The following CIMIP6 variants were observed in gnomAD, a reference collection of about 807,000 sequenced individuals.
The protein encoded by CIMIP6 is ciliary microtubule inner protein 6.
the CIMIP6 span, chr2:54,360,413 T>C: frequency 1.1e-5 from 17 of 1,604,114 alleles, no homozygotes; most frequent in African/African-American, 1.6e-4. Context: ...AACTCACTTA[T>C]CAGAAACAGA....
At chr2:54,367,088 T>G in the CIMIP6 span, among the ~76,000 whole-genome samples, 1 of 152,114 alleles carries the variant, frequency 6.6e-6, no homozygotes, top group African/African-American at 2.4e-5. Flanking sequence ...GATTAATCAC[T>G]GTGCTTCATC....
the CIMIP6 span, among the ~76,000 whole-genome samples, chr2:54,351,129 T>G: frequency 6.6e-6 from 1 of 152,240 alleles, no homozygotes; most frequent in East Asian, 1.9e-4. Context: ...TTGTTTGACA[T>G]TTAACTCAAG....
chr2:54,362,939 A>G, the CIMIP6 span, among the ~76,000 whole-genome samples: 1 of 152,190 alleles, frequency 6.6e-6, no homozygotes, highest in Non-Finnish European at 1.5e-5. Context: ...GTCTATTGGT[A>G]TGCCAGTCCA....
the CIMIP6 span, among the ~76,000 whole-genome samples, chr2:54,356,703 A>T: frequency 1.0e-3 from 152 of 152,330 alleles, no homozygotes; most frequent in African/African-American, 3.5e-3. Context: ...TCAAAAAGCA[A>T]ATTATTGTTT....
At chr2:54,334,706 C>T in the CIMIP6 span, 3 of 770,126 alleles carry the variant, frequency 3.9e-6, no homozygotes, top group Non-Finnish European at 4.1e-6. Context: ...TTAATACAGC[C>T]TAAATTGTCT....
At chr2:54,348,180 C>T in the CIMIP6 span, among the ~76,000 whole-genome samples, 1 of 152,178 alleles carries the variant, frequency 6.6e-6, no homozygotes, top group African/African-American at 2.4e-5. Flanking sequence ...GAACCTGAAC[C>T]CATTAAATTT....
At chr2:54,381,444 T>G in the CIMIP6 span, among the ~76,000 whole-genome samples, 2 of 152,264 alleles carry the variant, frequency 1.3e-5, no homozygotes, top group Non-Finnish European at 2.9e-5. Context: ...AGTTTACCTA[T>G]GTTTTCTCAC....
At chr2:54,376,493 A>C in the CIMIP6 span, among the ~76,000 whole-genome samples, 1 of 152,284 alleles carries the variant, frequency 6.6e-6, no homozygotes, top group Admixed American at 6.5e-5. Context: ...AAATTCCTTC[A>C]CTGGAATAGA....
chr2:54,370,906 G>T, the CIMIP6 span, among the ~76,000 whole-genome samples: 19 of 152,176 alleles, frequency 1.2e-4, no homozygotes, highest in African/African-American at 4.6e-4. Context: ...GTTAGCAAAT[G>T]TCACTCCACC....
chr2:54,368,478 A>G, the CIMIP6 span, among the ~76,000 whole-genome samples: 3 of 152,254 alleles, frequency 2.0e-5, no homozygotes, highest in Non-Finnish European at 2.9e-5. Context: ...CCTATGCAAT[A>G]AAGGATTAAT....
chr2:54,333,340 G>A, the CIMIP6 span, among the ~76,000 whole-genome samples: 1 of 152,180 alleles, frequency 6.6e-6, no homozygotes, highest in Non-Finnish European at 1.5e-5. Context: ...GTTTTAAGCT[G>A]AGACCTAAAT....
chr2:54,335,096 CAGACTATAAAGGATG>C, the CIMIP6 span: 1 of 1,250,838 alleles, frequency 8.0e-7, no homozygotes, highest in Non-Finnish European at 1.1e-6. Context: ...AATTTGGTCA[CAGACTATAAAGGATG>C]AGACACATCT....
the CIMIP6 span, among the ~76,000 whole-genome samples, chr2:54,345,209 C>T: frequency 1.3e-5 from 2 of 152,016 alleles, no homozygotes; most frequent in African/African-American, 4.8e-5. Flanking sequence ...AGCAGGGGAG[C>T]CTTCATAAGG....
At chr2:54,362,836 T>G in the CIMIP6 span, among the ~76,000 whole-genome samples, 1 of 152,226 alleles carries the variant, frequency 6.6e-6, no homozygotes, top group African/African-American at 2.4e-5. Flanking sequence ...CATGAGCCAC[T>G]GTGCATGGCT....
chr2:54,378,651 C>T, the CIMIP6 span, among the ~76,000 whole-genome samples: 24 of 152,096 alleles, frequency 1.6e-4, no homozygotes, highest in Non-Finnish European at 2.5e-4. Flanking sequence ...CCGGTTCTAA[C>T]AAAAATAACT....
the CIMIP6 span, among the ~76,000 whole-genome samples, chr2:54,366,636 G>A: frequency 6.6e-6 from 1 of 152,104 alleles, no homozygotes; most frequent in Non-Finnish European, 1.5e-5. Flanking sequence ...ACAAATCAGA[G>A]ATAAAAGAGC....
the CIMIP6 span, among the ~76,000 whole-genome samples, chr2:54,346,021 G>C: frequency 6.6e-6 from 1 of 152,122 alleles, no homozygotes; most frequent in Non-Finnish European, 1.5e-5. Flanking sequence ...TATTTGGCAC[G>C]GATACTAAAC....
chr2:54,358,046 C>T, the CIMIP6 span, among the ~76,000 whole-genome samples: 1 of 152,146 alleles, frequency 6.6e-6, no homozygotes, highest in African/African-American at 2.4e-5. Flanking sequence ...AGATGTTAAA[C>T]ATACATGGAG....
chr2:54,355,459 C>T, the CIMIP6 span, among the ~76,000 whole-genome samples: 1,450 of 152,162 alleles, frequency 9.5e-3, 21 homozygotes, highest in African/African-American at 0.031. Flanking sequence ...TTTCTCCTGC[C>T]CCTGCTACCT....
Sources: gnomAD v4.1 joint callset for allele counts (sites outside exome capture counted in the v4.1 genomes callset) on GRCh38, gnomAD v4.1.1 for gene constraint, MANE v1.5 for transcripts, NCBI Gene and HGNC (gene_info 2026-07-23, HGNC 2026-07-21) for gene names.